Variants in CLPB observed in about 807,000 individuals in gnomAD.
The protein encoded by CLPB is mitochondrial disaggregase.
Under a neutral mutation model 78.4 loss-of-function variants are expected in CLPB, and 40 were observed. The ratio of observed to expected loss-of-function variants is 0.51; its 90% CI spans 0.40 to 0.66. CLPB has a LOEUF of 0.66. Among genes scored for constraint, CLPB ranks in the 30% least tolerant of loss-of-function variants. The pLI is 0.00. For synonymous variants in CLPB, 333 were observed against 348.0 expected, an observed-to-expected ratio of 0.96 and a Z score of 0.48; for missense variants, 780 against 886.9, an observed-to-expected ratio of 0.88 and a Z score of 1.53.
At chr11:72,372,456 T>C (rs977481463) in intron 4 of CLPB, among the ~76,000 whole-genome samples, 1 of 152,224 alleles carries the variant, frequency 6.6e-6, no homozygotes. Flanking sequence ...TATAATACCA[T>C]GGCTTAAACA....
intron 2 of CLPB, among the ~76,000 whole-genome samples, chr11:72,421,086 C>T (rs1187514089): frequency 3.3e-5 from 5 of 152,182 alleles, no homozygotes; most frequent in African/African-American, 1.2e-4. Flanking sequence ...TATTAAAATG[C>T]TAGGGTGGGA....
At chr11:72,426,498 C>T (rs1856377973) in intron 2 of CLPB, among the ~76,000 whole-genome samples, 1 of 142,354 alleles carries the variant, frequency 7.0e-6, no homozygotes, top group South Asian at 2.6e-4. Flanking sequence ...GATGGATGAA[C>T]TTAAGTGCCT....
intron 2 of CLPB, among the ~76,000 whole-genome samples, chr11:72,417,193 T>C (rs1183598932): frequency 1.3e-5 from 2 of 152,170 alleles, no homozygotes; most frequent in Non-Finnish European, 2.9e-5. Flanking sequence ...ACAAATGACA[T>C]CCTGTATGGA....
chr11:72,373,073 G>A, intron 4 of CLPB: 1 of 1,456,546 alleles, frequency 6.9e-7, no homozygotes, highest in Non-Finnish European at 9.6e-7. Flanking sequence ...AGGCCCTGGA[G>A]CTCTGGGAAG....
intron 7 of CLPB, among the ~76,000 whole-genome samples, chr11:72,311,710 C>T (rs1949850631): frequency 6.6e-6 from 1 of 152,216 alleles, no homozygotes; most frequent in Non-Finnish European, 1.5e-5. Flanking sequence ...CAGCACATGG[C>T]CTCAGGAGCC....
At chr11:72,402,080 G>A (rs1855579710) in intron 3 of CLPB, among the ~76,000 whole-genome samples, 1 of 151,784 alleles carries the variant, frequency 6.6e-6, no homozygotes, top group South Asian at 2.1e-4. Flanking sequence ...ATAGCACAGT[G>A]AGACCCCTAT....
chr11:72,396,304 C>G lies in CLPB; in HGVS notation c.542+6662G>C, dbSNP rs189465054. On this transcript the variant is annotated intron_variant, in intron 3 of 15. Transcript: ENST00000538039. Reference sequence around the variant, plus strand: ...GAAAAGGCAGAAGGAGGGAGGGAGACTCTTGTGGGGAATTTCAAACAGTTC... The same window carrying G: ...GAAAAGGCAGAAGGAGGGAGGGAGAGTCTTGTGGGGAATTTCAAACAGTTC... Among the ~76,000 whole-genome samples, 289 of 152,254 alleles carry G rather than the reference C, an allele frequency of 1.9e-3. 1 individual carries two copies. The highest frequency in any genetic ancestry group is 3.5e-3 in the Non-Finnish European group (235 of 68,014).
chr11:72,434,503 T>C lies in CLPB; in HGVS notation c.-29A>G. 1 of 1,520,700 alleles carries C rather than the reference T, an allele frequency of 6.6e-7. No homozygotes were observed. Among genetic ancestry groups the C allele is most frequent in the Non-Finnish European group, 8.8e-7 (1 of 1,133,886 alleles). 94.2% of individuals were successfully genotyped at this position (1,520,700 alleles called of 1,614,324 possible). ...GACAGCTGCTTCGATAACCCCGTGG[T>C]GCCGGCCCCTGTGCTGACCACGTCC... is the stretch of plus-strand genomic sequence containing the variant. On this transcript the variant is annotated 5_prime_UTR_variant, in exon 1 of 16. Coordinates refer to ENST00000538039, the MANE Select transcript of CLPB (RefSeq NM_001258392.3).
chr11:72,430,343 C>A lies in CLPB; in HGVS notation c.424G>T (p.Ala142Ser). 6 of 1,613,230 alleles carry A rather than the reference C, an allele frequency of 3.7e-6. No individual in the cohort carries two copies. In the South Asian group the frequency reaches 6.6e-5, roughly 18 times the overall value. Residue 142 changes from alanine to serine, a missense_variant, in exon 2 of 16, where the codon GCC becomes TCC. Physicochemically the swap from Ala to Ser is moderately conservative, Grantham distance 99. Transcript: ENST00000538039. ...SNKDAALLEA[A>S]RANNMQEVSR... ...ACTTCTTGCATATTGTTGGCACGGG[C>A]AGCTTCCAACAGGGCTGCATCTGAA...
intron 6 of CLPB, among the ~76,000 whole-genome samples, chr11:72,327,469 C>G (rs1422429803): frequency 6.6e-6 from 1 of 152,192 alleles, no homozygotes; most frequent in Non-Finnish European, 1.5e-5. Flanking sequence ...TCACTCTGGA[C>G]ATTAGCCCTG....
At chr11:72,419,165 C>T (rs966492182) in intron 2 of CLPB, among the ~76,000 whole-genome samples, 3 of 152,210 alleles carry the variant, frequency 2.0e-5, no homozygotes, top group Non-Finnish European at 4.4e-5. Flanking sequence ...CTCTGTTCCT[C>T]AGTTTCCAGG....
chr11:72,425,605 G>A (rs755133009), intron 2 of CLPB, among the ~76,000 whole-genome samples: 1 of 152,162 alleles, frequency 6.6e-6, no homozygotes, highest in Non-Finnish European at 1.5e-5. Context: ...CAAAGCACAG[G>A]CTGGACAGAT....
chr11:72,399,821 G>T (rs1037466260), intron 3 of CLPB, among the ~76,000 whole-genome samples: 2 of 152,138 alleles, frequency 1.3e-5, no homozygotes, highest in Non-Finnish European at 2.9e-5. Flanking sequence ...AGCATTTCAG[G>T]CCTGACCAAT....
At chr11:72,359,762 G>A (rs529758296) in intron 4 of CLPB, among the ~76,000 whole-genome samples, 2 of 152,208 alleles carry the variant, frequency 1.3e-5, no homozygotes, top group East Asian at 3.9e-4. Context: ...ATGCAATTTT[G>A]TAATCTGCAT....
At chr11:72,315,367 TCCTC>T in intron 7 of CLPB, among the ~76,000 whole-genome samples, 1 of 152,154 alleles carries the variant, frequency 6.6e-6, no homozygotes, top group Non-Finnish European at 1.5e-5. Context: ...CAGCCTCCCT[TCCTC>T]AGGATCGAGA....
Position 72,367,158 on chromosome 11 carries a change from C to T in CLPB, c.647-8150G>A, listed in dbSNP as rs985134613. Among the ~76,000 whole-genome samples the T allele has an allele frequency of 2.0e-5, 3 of 152,116 alleles. No individual in the cohort carries two copies. In the South Asian group the frequency reaches 6.2e-4, roughly 32 times the overall value. On this transcript the variant is annotated intron_variant, in intron 4 of 15. Coordinates refer to ENST00000538039, the MANE Select transcript of CLPB (RefSeq NM_001258392.3). ...CAGAAAACCAAATACTGCATGTTCT[C>T]ACTTACTATTATTATTATTTTTTGA...
intron 4 of CLPB, among the ~76,000 whole-genome samples, chr11:72,379,337 C>A (rs1213618457): frequency 6.6e-6 from 1 of 152,198 alleles, no homozygotes; most frequent in East Asian, 1.9e-4. Flanking sequence ...TCAGAGGGAT[C>A]GCAGCCTCTG....
intron 3 of CLPB, among the ~76,000 whole-genome samples, chr11:72,397,982 AC>A (rs980578198): frequency 3.3e-5 from 5 of 152,128 alleles, no homozygotes; most frequent in Admixed American, 6.5e-5. Context: ...CATTGCAAGC[AC>A]CTAACAATAC....
At chr11:72,357,499 C>A (rs1005354677) in intron 5 of CLPB, among the ~76,000 whole-genome samples, 1 of 151,798 alleles carries the variant, frequency 6.6e-6, no homozygotes, top group African/African-American at 2.4e-5. Context: ...GAGTTCGAGA[C>A]CAGCCTGACC....
Sources: gnomAD v4.1 joint callset for allele counts (sites outside exome capture counted in the v4.1 genomes callset) on GRCh38, gnomAD v4.1.1 for gene constraint, MANE v1.5 for transcripts, NCBI Gene and HGNC (gene_info 2026-07-23, HGNC 2026-07-21) for gene names.